Variants in ADAM12 observed in about 807,000 individuals in gnomAD.
ADAM12 encodes ADAM metallopeptidase domain 12, also known as disintegrin and metalloproteinase domain-containing protein 12.
Under a neutral mutation model 106.4 loss-of-function variants are expected in ADAM12, and 70 were observed. That is an observed-to-expected ratio of 0.66 (90% confidence interval 0.54 to 0.80). ADAM12 has a LOEUF of 0.80. ADAM12 is among the 30% of genes least tolerant of loss of function. The probability of loss-of-function intolerance (pLI) is 0.00; values close to 1 mark genes in which losing one functional copy is unlikely to be tolerated. For synonymous variants in ADAM12, 420 were observed against 433.5 expected (o/e 0.97, Z 0.39); for missense variants, 1,010 against 1,171.9 (o/e 0.86, Z 2.02).
chr10:126,153,502 TTTTTAAA>T (rs1956763964), intron 4 of ADAM12, among the ~76,000 whole-genome samples: 1 of 152,192 alleles, frequency 6.6e-6, no homozygotes, highest in Non-Finnish European at 1.5e-5. Flanking sequence ...CCTGTGTGTG[TTTTTAAA>T]TTTTATGTAT....
intron 6 of ADAM12, among the ~76,000 whole-genome samples, chr10:126,110,255 G>A (rs1955845934): frequency 6.6e-6 from 1 of 152,152 alleles, no homozygotes; most frequent in African/African-American, 2.4e-5. Flanking sequence ...CAGAGAAGAC[G>A]ACGGAGTTCA....
intron 5 of ADAM12, among the ~76,000 whole-genome samples, chr10:126,127,661 G>A (rs1010823503): frequency 6.6e-6 from 1 of 152,248 alleles, no homozygotes; most frequent in Non-Finnish European, 1.5e-5. Context: ...GGGCAAGGAA[G>A]GATAGGGGCC....
At chr10:126,335,280 T>C (rs1415151565) in intron 1 of ADAM12, among the ~76,000 whole-genome samples, 1 of 152,240 alleles carries the variant, frequency 6.6e-6, no homozygotes, top group Non-Finnish European at 1.5e-5. Flanking sequence ...ATATCACACC[T>C]GGAGTTCTGG....
At chr10:126,121,154 T>TACTATATATACTATATATACTATATAC (rs1336389243) in intron 5 of ADAM12, among the ~76,000 whole-genome samples, 4 of 58,794 alleles carry the variant, frequency 6.8e-5, no homozygotes, top group Non-Finnish European at 1.2e-4. Flanking sequence ...ATACTATATA[T>TACTATATATACTATATATACTATATAC]ACTATATATA....
At chr10:126,322,262 T>C (rs1296617735) in intron 2 of ADAM12, among the ~76,000 whole-genome samples, 2 of 152,220 alleles carry the variant, frequency 1.3e-5, no homozygotes, top group East Asian at 3.8e-4. Flanking sequence ...TTGTGACCTG[T>C]GCTGCTGAAC....
At chr10:126,261,078 TTAAAG>T (rs1284940096) in intron 3 of ADAM12, among the ~76,000 whole-genome samples, 7 of 152,192 alleles carry the variant, frequency 4.6e-5, no homozygotes, top group Admixed American at 4.6e-4. Flanking sequence ...TAGAGATGAT[TTAAAG>T]TATACAGGAG....
At chr10:126,316,798 A>AG (rs1260542990) in intron 2 of ADAM12, among the ~76,000 whole-genome samples, 5 of 151,666 alleles carry the variant, frequency 3.3e-5, no homozygotes, top group African/African-American at 9.7e-5. Flanking sequence ...AAAAAAAAAA[A>AG]AAAGAAAAGA....
At chr10:126,113,805 G>A (rs1259802029) in intron 6 of ADAM12, among the ~76,000 whole-genome samples, 1 of 144,842 alleles carries the variant, frequency 6.9e-6, no homozygotes, top group Non-Finnish European at 1.5e-5. Flanking sequence ...GAAGCTGAGA[G>A]TGCAGCAAGG....
chr10:126,216,705 T>C (rs915889060), intron 3 of ADAM12, among the ~76,000 whole-genome samples: 1 of 152,224 alleles, frequency 6.6e-6, no homozygotes, highest in Non-Finnish European at 1.5e-5. Flanking sequence ...ATGTTGAATG[T>C]ATATCAAAAG....
At chr10:126,222,549 C>T (rs1322239855) in intron 3 of ADAM12, among the ~76,000 whole-genome samples, 1 of 151,122 alleles carries the variant, frequency 6.6e-6, no homozygotes, top group Non-Finnish European at 1.5e-5. Context: ...TTCCTGGTGG[C>T]CCCAGAACCG....
chr10:126,323,264 G>A (rs1406766656), intron 2 of ADAM12, among the ~76,000 whole-genome samples: 1 of 152,170 alleles, frequency 6.6e-6, no homozygotes, highest in Non-Finnish European at 1.5e-5. Flanking sequence ...TCTAGCCTGA[G>A]CAACTCCTGC....
At chr10:126,021,359 T>A (rs1953764064) in intron 21 of ADAM12, among the ~76,000 whole-genome samples, 1 of 152,220 alleles carries the variant, frequency 6.6e-6, no homozygotes, top group Non-Finnish European at 1.5e-5. Flanking sequence ...ATATGAAAAT[T>A]ACATTTCTTT....
intron 2 of ADAM12, among the ~76,000 whole-genome samples, chr10:126,284,919 C>A (rs1959776038): frequency 6.6e-6 from 1 of 152,226 alleles, no homozygotes; most frequent in South Asian, 2.1e-4. Context: ...TTCACCCATA[C>A]ACACTTGTCT....
chr10:126,241,499 T>G lies in ADAM12; in HGVS notation c.260+37416A>C, dbSNP rs193145460. Among the ~76,000 whole-genome samples, 24 of 152,366 alleles carry G rather than the reference T, an allele frequency of 1.6e-4. No homozygotes were observed. In the East Asian group the frequency reaches 3.1e-3, roughly 20 times the overall value. On this transcript the variant is annotated intron_variant, in intron 3 of 22. Transcript: ENST00000448723. ...CAGAAATCCTGACTTGCGCTCAAAC[T>G]GGCAGAATTTCTCTCTGGATGAGGT...
At chr10:126,371,066 T>C (rs1261531953) in intron 1 of ADAM12, among the ~76,000 whole-genome samples, 1 of 152,258 alleles carries the variant, frequency 6.6e-6, no homozygotes. Flanking sequence ...CAGTAATTCA[T>C]GTGCATAATC....
At chr10:126,347,769 T>A (rs980086403) in intron 1 of ADAM12, among the ~76,000 whole-genome samples, 1 of 152,238 alleles carries the variant, frequency 6.6e-6, no homozygotes, top group Non-Finnish European at 1.5e-5. Flanking sequence ...TTAATTAGCC[T>A]GTTTTTCTCT....
intron 2 of ADAM12, among the ~76,000 whole-genome samples, chr10:126,322,241 A>C (rs532327279): frequency 6.6e-6 from 1 of 152,316 alleles, no homozygotes; most frequent in South Asian, 2.1e-4. Flanking sequence ...GAGTCGCTTC[A>C]GCAGGTATCA....
rs1336820207 is a variant in ADAM12 at position 126,388,335 on chromosome 10, T to TC, written c.-191dup. 28 of 928,668 alleles carry TC rather than the reference T, an allele frequency of 3.0e-5. No homozygotes were observed. The highest frequency in any genetic ancestry group is 1.6e-4 in the East Asian group (4 of 24,724). 57.5% of individuals were successfully genotyped at this position (928,668 alleles called of 1,614,324 possible). On this transcript the variant is annotated 5_prime_UTR_variant, in exon 1 of 23. Coordinates refer to ENST00000448723, the MANE Select transcript of ADAM12 (RefSeq NM_001288973.2). The surrounding 1 kb of genome is among the most constrained non-coding windows in gnomAD (Gnocchi z 4.4). Reference sequence around the variant, plus strand: ...CTAGCCTTTCATTTTTAAAAAAGTTTCCCCCCGTGTGTGTGCGTGCGTGCG... The same window carrying TC: ...CTAGCCTTTCATTTTTAAAAAAGTTTCCCCCCCGTGTGTGTGCGTGCGTGCG...
At position 126,118,225 on chromosome 10, in the gene ADAM12, C is replaced by G. The variant is rs1565071490; in HGVS notation, c.417-1G>C. 6.2e-7 allele frequency: 1 copy of G among 1,607,704 alleles called. No homozygotes were observed. Among genetic ancestry groups the G allele is most frequent in the South Asian group, 1.1e-5 (1 of 90,344 alleles). ...TTCATTTTCAAACACAATAAGTCCC[C>G]TGTTGAAAAAGAAACAAGAAAAAAT... On this transcript the variant is annotated splice_acceptor_variant, in intron 5 of 22. Transcript: ENST00000448723. LOFTEE classifies it high-confidence loss of function.
Sources: gnomAD v4.1 joint callset for allele counts (sites outside exome capture counted in the v4.1 genomes callset) on GRCh38, gnomAD v4.1.1 for gene constraint, Gnocchi (gnomAD v3.1) non-coding constraint, MANE v1.5 for transcripts, NCBI Gene and HGNC (gene_info 2026-07-23, HGNC 2026-07-21) for gene names.